RSRC1: variants seen among roughly 807,000 people sequenced by gnomAD.
RSRC1 encodes serine/Arginine-related protein 53.
RSRC1 carries 39 observed loss-of-function variants against 49.1 expected under a neutral mutation model. The observed-to-expected ratio is 0.79, with a 90% CI of 0.61 to 1.04. RSRC1 has a LOEUF of 1.04. Among genes scored for constraint, RSRC1 ranks in the 50% least tolerant of loss-of-function variants. The pLI is 0.00. For missense variants in RSRC1, 388 were observed against 402.4 expected (o/e 0.96, Z 0.31); for synonymous variants, 143 against 130.8 (o/e 1.09, Z -0.63).
chr3:158,228,765 G>A (rs1559951754), intron 4 of RSRC1, among the ~76,000 whole-genome samples: 1 of 150,708 alleles, frequency 6.6e-6, no homozygotes, highest in African/African-American at 2.4e-5. Context: ...ATGTGTGTGT[G>A]TATATATATA....
intron 4 of RSRC1, among the ~76,000 whole-genome samples, chr3:158,216,535 A>C (rs963215685): frequency 3.3e-5 from 5 of 151,464 alleles, no homozygotes; most frequent in African/African-American, 1.2e-4. Flanking sequence ...CAATGGATTC[A>C]TTTCTGTTGC....
chr3:158,163,901 G>A (rs1366609412), intron 3 of RSRC1, among the ~76,000 whole-genome samples: 2 of 151,888 alleles, frequency 1.3e-5, no homozygotes, highest in Non-Finnish European at 2.9e-5. Flanking sequence ...AAGAATAAAT[G>A]AATGAATGAA....
chr3:158,298,263 AT>A (rs1309047748), intron 5 of RSRC1, among the ~76,000 whole-genome samples, 188 bp downstream of exon 5: 4 of 152,032 alleles, frequency 2.6e-5, no homozygotes, highest in Admixed American at 2.6e-4. Context: ...GAATTTAAAA[AT>A]TTTTTAAATT....
chr3:158,502,565 T>C (rs2108462028), intron 7 of RSRC1, among the ~76,000 whole-genome samples: 1 of 152,304 alleles, frequency 6.6e-6, no homozygotes, highest in Non-Finnish European at 1.5e-5. Context: ...TTTTTTCTTA[T>C]TCTTTTTTCA....
intron 4 of RSRC1, among the ~76,000 whole-genome samples, chr3:158,227,554 T>C (rs942054492): frequency 2.6e-5 from 4 of 152,136 alleles, no homozygotes; most frequent in African/African-American, 9.6e-5. Flanking sequence ...AGAAGAGCCT[T>C]GGTGGTGGTA....
At chr3:158,283,552 A>G (rs981449881) in intron 4 of RSRC1, among the ~76,000 whole-genome samples, 5 of 152,136 alleles carry the variant, frequency 3.3e-5, no homozygotes, top group African/African-American at 9.7e-5. Flanking sequence ...GTGAAAATAC[A>G]TAACTATGTC....
At chr3:158,118,462 T>TGTGCGCGCGCGC (rs1491469875) in intron 1 of RSRC1, among the ~76,000 whole-genome samples, 9 of 124,676 alleles carry the variant, frequency 7.2e-5, no homozygotes, top group South Asian at 2.5e-4. Flanking sequence ...TGTGTGTGTG[T>TGTGCGCGCGCGC]GCGCGTGCGC....
At chr3:158,120,536 AAAT>A (rs1056141462) in intron 1 of RSRC1, among the ~76,000 whole-genome samples, 4 of 147,634 alleles carry the variant, frequency 2.7e-5, no homozygotes, top group Admixed American at 6.8e-5. Context: ...TTAAATATAT[AAAT>A]AATATAGAAT....
chr3:158,347,600 G>T (rs146826282), intron 5 of RSRC1, among the ~76,000 whole-genome samples: 1 of 152,082 alleles, frequency 6.6e-6, no homozygotes, highest in African/African-American at 2.4e-5. Flanking sequence ...AGGCAGGAGT[G>T]CAGTACACAA....
At chr3:158,426,706 A>G (rs561921753) in intron 6 of RSRC1, among the ~76,000 whole-genome samples, 105 of 151,946 alleles carry the variant, frequency 6.9e-4, no homozygotes, top group African/African-American at 2.4e-3. Flanking sequence ...GTCGTGGAAA[A>G]GCAGTTTTGG....
Position 158,537,141 on chromosome 3 carries a change from T to C in RSRC1, c.702T>C (p.Ala234=), listed in dbSNP as rs756902397. The C allele has an allele frequency of 3.8e-5, 61 of 1,602,928 alleles. No individual in the cohort carries two copies. The highest frequency in any genetic ancestry group is 5.1e-5 in the Non-Finnish European group (60 of 1,175,358). The change falls in exon 8 of 10, where the codon GCT becomes GCC. Residue 234 remains alanine, a synonymous_variant. Transcript: ENST00000611884. The part of the protein sequence containing the change: ...EQVKRVKEIE[A]IESDSFVQQT... Reference sequence around the variant, plus strand: ...TAAAAAGAGTAAAAGAAATTGAAGCTATTGAAAGTGATTCTTTTGTTCAGC... The same window carrying C: ...TAAAAAGAGTAAAAGAAATTGAAGCCATTGAAAGTGATTCTTTTGTTCAGC...
chr3:158,451,626 C>G (rs887668811), intron 6 of RSRC1, among the ~76,000 whole-genome samples: 5 of 151,962 alleles, frequency 3.3e-5, no homozygotes, highest in Admixed American at 2.0e-4. Flanking sequence ...CCCTTTCTAT[C>G]TTTGTTTATT....
At chr3:158,507,471 A>G (rs1414361573) in intron 7 of RSRC1, among the ~76,000 whole-genome samples, 1 of 152,174 alleles carries the variant, frequency 6.6e-6, no homozygotes, top group African/African-American at 2.4e-5. Context: ...GTATACATGT[A>G]TCAAAATAGC....
chr3:158,271,970 T>C (rs1725542960), intron 4 of RSRC1, among the ~76,000 whole-genome samples: 1 of 152,182 alleles, frequency 6.6e-6, no homozygotes, highest in Non-Finnish European at 1.5e-5. Flanking sequence ...TTAATAATTT[T>C]TGTTTAATGT....
At chr3:158,235,559 G>A (rs1005553838) in intron 4 of RSRC1, among the ~76,000 whole-genome samples, 2 of 152,082 alleles carry the variant, frequency 1.3e-5, no homozygotes, top group African/African-American at 4.8e-5. Context: ...ATATGCTATG[G>A]CATATGTCAT....
At chr3:158,341,226 C>T (rs1730217367) in intron 5 of RSRC1, among the ~76,000 whole-genome samples, 1 of 151,768 alleles carries the variant, frequency 6.6e-6, no homozygotes, top group East Asian at 1.9e-4. Context: ...AGTAAGGAGC[C>T]TCATGTTAAT....
chr3:158,156,897 A>T (rs1048695738), intron 3 of RSRC1, among the ~76,000 whole-genome samples: 4 of 152,234 alleles, frequency 2.6e-5, no homozygotes, highest in Non-Finnish European at 5.9e-5. Flanking sequence ...ACTAACCAAA[A>T]TGTAACACAG....
intron 4 of RSRC1, among the ~76,000 whole-genome samples, chr3:158,241,286 A>G (rs922864421): frequency 7.1e-6 from 1 of 141,640 alleles, no homozygotes; most frequent in Non-Finnish European, 1.6e-5. Flanking sequence ...CAGCTCTACT[A>G]AAAATACAAA....
chr3:158,423,126 G>C (rs997833145), intron 6 of RSRC1, among the ~76,000 whole-genome samples: 9 of 151,694 alleles, frequency 5.9e-5, no homozygotes, highest in South Asian at 2.1e-4. Context: ...ATTGCTTTTG[G>C]TGTTTTAGAC....
Sources: allele counts gnomAD v4.1 joint callset (sites outside exome capture counted in the v4.1 genomes callset), GRCh38; gene constraint gnomAD v4.1.1; transcripts MANE v1.5; gene names NCBI Gene and HGNC (gene_info 2026-07-23, HGNC 2026-07-21).